The following WEE2 variants were observed in gnomAD, a reference collection of about 807,000 sequenced individuals.
The protein encoded by WEE2 is wee1-like protein kinase 2.
WEE2 carries 50 observed loss-of-function variants against 60.1 expected under a neutral mutation model. That is an observed-to-expected ratio of 0.83 (90% confidence interval 0.66 to 1.05). The LOEUF is 1.05. Ranked by LOEUF, WEE2 falls within the 50% of genes least tolerant of loss-of-function variation. The pLI is 0.00. For synonymous variants in WEE2, 240 were observed against 241.0 expected (o/e 1.00, Z 0.04); for missense variants, 631 against 684.3 (o/e 0.92, Z 0.87).
chr7:141,713,869 A>T (rs991065101), intron 1 of WEE2, among the ~76,000 whole-genome samples: 1 of 152,168 alleles, frequency 6.6e-6, no homozygotes, highest in African/African-American at 2.4e-5. Flanking sequence ...AGTCATTTTT[A>T]TTTGTCTAAA....
chr7:141,728,601 C>T (rs1475085633), intron 10 of WEE2, among the ~76,000 whole-genome samples: 1 of 152,224 alleles, frequency 6.6e-6, no homozygotes, highest in African/African-American at 2.4e-5. Flanking sequence ...AGGTGACTAT[C>T]ATCAGCCAGT....
chr7:141,730,650 G>A lies in WEE2; in HGVS notation c.*330G>A, dbSNP rs1584749755. 8 of 216,870 alleles carry A rather than the reference G, an allele frequency of 3.7e-5. No homozygotes were observed. In the East Asian group the frequency reaches 8.1e-4, roughly 22 times the overall value. 13.4% of individuals were successfully genotyped at this position (216,870 alleles called of 1,614,324 possible). ...GACTGCATGCAACTTGGACATCTCT[G>A]AGCTGGTTGTTAACTTGCAGAACAA... On this transcript the variant is annotated 3_prime_UTR_variant, in exon 12 of 12. Coordinates refer to ENST00000397541, the MANE Select transcript of WEE2 (RefSeq NM_001105558.1).
intron 2 of WEE2, among the ~76,000 whole-genome samples, 153 bp from the exon 3 acceptor site, chr7:141,716,069 C>T (rs535585133): frequency 6.0e-4 from 92 of 152,194 alleles, no homozygotes; most frequent in African/African-American, 2.1e-3. Context: ...GTTCTAGGTT[C>T]TTGTATTGAA....
intron 6 of WEE2, 112 bp downstream of exon 6, chr7:141,723,392 A>G: frequency 8.6e-7 from 1 of 1,163,120 alleles, no homozygotes; most frequent in African/African-American, 1.5e-5. Flanking sequence ...TGCTGGCAGA[A>G]CCCCTTTCTT....
In WEE2 at chr7:141,725,072, C is replaced by G; in HGVS notation, c.1268C>G (p.Thr423Arg). 6.2e-7 allele frequency: 1 copy of G among 1,614,156 alleles called. No individual in the cohort carries two copies. Among genetic ancestry groups the G allele is most frequent in the African/African-American group, 1.3e-5 (1 of 75,050 alleles). Residue 423 changes from threonine to arginine, a missense_variant, in exon 9 of 12, where the codon ACA becomes AGA. Coordinates refer to ENST00000397541, the MANE Select transcript of WEE2 (RefSeq NM_001105558.1). ...PKADIFALGL[T>R]IAVAAGAESL... ...GCAGACATATTTGCCTTGGGATTAA[C>G]AATTGCAGTGGCTGCAGGAGCAGAG...
At chr7:141,712,355 C>T (rs1001915483) in intron 1 of WEE2, among the ~76,000 whole-genome samples, 7 of 152,126 alleles carry the variant, frequency 4.6e-5, no homozygotes, top group African/African-American at 1.7e-4. Flanking sequence ...AAGTAGCTAT[C>T]CCCCAAATTT....
Position 141,720,865 on chromosome 7 carries a change from T to G in WEE2, c.759-70T>G, listed in dbSNP as rs113159868. Reference sequence around the variant, plus strand: ...GCCATTGCTAGTAAAGCCTCATATTTTTAAGAAACATTTTTGTGTGCATTA... The same window carrying G: ...GCCATTGCTAGTAAAGCCTCATATTGTTAAGAAACATTTTTGTGTGCATTA... On this transcript the variant is annotated intron_variant, in intron 4 of 11. Transcript: ENST00000397541. 8 of 1,564,356 alleles carry G rather than the reference T, an allele frequency of 5.1e-6. No individual in the cohort carries two copies. In the Admixed American group the frequency reaches 1.4e-4, roughly 27 times the overall value.
Position 141,727,520 on chromosome 7 carries a change from T to A in WEE2, c.1535+74T>A, listed in dbSNP as rs971128279. 21 of 1,546,368 alleles carry A rather than the reference T, an allele frequency of 1.4e-5. No homozygotes were observed. The African/African-American group carries it at 2.5e-4, about 18-fold the overall frequency. ...ACAATGGTATGACTAGTCTACTGTGTCTTCTCTGTGGATTCAAGTATAAAT... is the reference window on the plus strand; with the variant it reads ...ACAATGGTATGACTAGTCTACTGTGACTTCTCTGTGGATTCAAGTATAAAT... On this transcript the variant is annotated intron_variant, in intron 10 of 11. Transcript: ENST00000397541.
At chr7:141,724,418 G>C in intron 8 of WEE2, 143 bp downstream of exon 8, 1 of 738,006 alleles carries the variant, frequency 1.4e-6, no homozygotes, top group Non-Finnish European at 2.2e-6. Flanking sequence ...CCAAAGATAG[G>C]AGAGAAACTC....
At chr7:141,718,623 C>T (rs1368991863) in intron 3 of WEE2, among the ~76,000 whole-genome samples, 2 of 151,996 alleles carry the variant, frequency 1.3e-5, no homozygotes, top group Non-Finnish European at 2.9e-5. Context: ...AAACAGAAAA[C>T]AAGTATGCTT....
chr7:141,716,189 A>G (rs1408660391), intron 2 of WEE2, 33 bp from the exon 3 acceptor site: 3 of 1,577,506 alleles, frequency 1.9e-6, no homozygotes, highest in Non-Finnish European at 2.6e-6. Context: ...AATATTAATT[A>G]TATATTGATA....
chr7:141,715,259 G>A (rs1798776581), intron 2 of WEE2, among the ~76,000 whole-genome samples: 1 of 152,150 alleles, frequency 6.6e-6, no homozygotes, highest in Non-Finnish European at 1.5e-5. Flanking sequence ...AATTCGATTG[G>A]TTTTAGTTCT....
Position 141,709,658 on chromosome 7 carries a change from T to C in WEE2, c.342+558T>C, listed in dbSNP as rs116274939. 2.8e-3 allele frequency among the ~76,000 whole-genome samples: 422 copies of C among 152,250 alleles called. 1 individual carries two copies. The highest frequency in any genetic ancestry group is 1.0e-2 in the African/African-American group (414 of 41,538). ...TGCTGCTGCTCCTCCCAGAAACAACTCCTCTCCCCTCCTTGGTCTAATAGA... is the reference window on the plus strand; with the variant it reads ...TGCTGCTGCTCCTCCCAGAAACAACCCCTCTCCCCTCCTTGGTCTAATAGA... On this transcript the variant is annotated intron_variant, in intron 1 of 11. Transcript: ENST00000397541.
intron 1 of WEE2, among the ~76,000 whole-genome samples, chr7:141,713,021 G>T (rs1798733757): frequency 1.3e-5 from 2 of 152,022 alleles, no homozygotes; most frequent in African/African-American, 4.8e-5. Flanking sequence ...TCTTCAAGCA[G>T]CCCTATGAAC....
rs1799125073 is a variant in WEE2 at position 141,730,720 on chromosome 7, G to A, written c.*400G>A. ...TTCAGGGAAAACTTGATGTGCCTGT[G>A]GTTGTTCTCCATCTATTTGCCCTGC... On this transcript the variant is annotated 3_prime_UTR_variant, in exon 12 of 12. Transcript: ENST00000397541. 6.1e-6 allele frequency: 1 copy of A among 163,368 alleles called. No homozygotes were observed. The highest frequency in any genetic ancestry group is 1.3e-5 in the Non-Finnish European group (1 of 75,892). 10.1% of individuals were successfully genotyped at this position (163,368 alleles called of 1,614,324 possible).
chr7:141,721,706 C>T (rs1449841765), intron 5 of WEE2, among the ~76,000 whole-genome samples: 1 of 151,968 alleles, frequency 6.6e-6, no homozygotes, highest in African/African-American at 2.4e-5. Flanking sequence ...TCAGGTGATC[C>T]ACCTGCCTCG....
chr7:141,725,661 C>T (rs956774983), intron 9 of WEE2, among the ~76,000 whole-genome samples: 17 of 149,578 alleles, frequency 1.1e-4, no homozygotes, highest in African/African-American at 3.9e-4. Context: ...GCGGAGGGGG[C>T]GTGGATCGAG....
chr7:141,720,634 C>T (rs1010174431), intron 4 of WEE2, among the ~76,000 whole-genome samples: 1 of 152,120 alleles, frequency 6.6e-6, no homozygotes, highest in Non-Finnish European at 1.5e-5. Context: ...CTCCTCTTTA[C>T]ATATGCCATG....
intron 1 of WEE2, 101 bp from the exon 2 acceptor site, chr7:141,714,108 C>T: frequency 9.6e-7 from 1 of 1,040,768 alleles, no homozygotes. Flanking sequence ...TCTAAGGCCC[C>T]TTCAGCAAAA....
Sources: allele counts gnomAD v4.1 joint callset (sites outside exome capture counted in the v4.1 genomes callset), GRCh38; gene constraint gnomAD v4.1.1; transcripts MANE v1.5; gene names NCBI Gene and HGNC (gene_info 2026-07-23, HGNC 2026-07-21).